CSF2RB: variants seen among roughly 807,000 people sequenced by gnomAD.
The protein encoded by CSF2RB is colony stimulating factor 2 receptor subunit beta.
A neutral mutation model predicts 67.2 loss-of-function variants in CSF2RB; 22 were observed. That is an observed-to-expected ratio of 0.33 (90% CI 0.23 to 0.47). The LOEUF (loss-of-function observed/expected upper bound fraction) is 0.47, where lower values mean the gene tolerates loss of function less well. Among genes scored for constraint, CSF2RB ranks in the 20% least tolerant of loss-of-function variants. CSF2RB has a pLI of 1.00. For missense variants in CSF2RB, 1,113 were observed against 1,174.5 expected, an observed-to-expected ratio of 0.95 and a Z score of 0.76; for synonymous variants, 507 against 482.9, an observed-to-expected ratio of 1.05 and a Z score of -0.65.
Position 36,938,555 on chromosome 22 carries a change from G to A in CSF2RB, c.*53G>A, listed in dbSNP as rs574299300. 8.5e-5 allele frequency: 131 copies of A among 1,541,396 alleles called. No individual in the cohort carries two copies. Among genetic ancestry groups the A allele is most frequent in the African/African-American group, 4.0e-4 (29 of 72,568 alleles). On this transcript the variant is annotated 3_prime_UTR_variant, in exon 14 of 14. Coordinates refer to ENST00000403662, the MANE Select transcript of CSF2RB (RefSeq NM_000395.3). ...ATGGAGAGGGCTTGCCTTCCCTCCC[G>A]CCTGACCTTCCTCAGTCATTTCTGC...
At chr22:36,922,965 G>C (rs572594929) in intron 2 of CSF2RB, among the ~76,000 whole-genome samples, 1 of 152,100 alleles carries the variant, frequency 6.6e-6, no homozygotes, top group East Asian at 1.9e-4. Flanking sequence ...GTCCTGGGGT[G>C]GGGGGAGGGG....
Position 36,919,408 on chromosome 22 carries a change from T to G in CSF2RB, c.-172-2628T>G, listed in dbSNP as rs1940798814. 2.0e-5 allele frequency among the ~76,000 whole-genome samples: 3 copies of G among 151,902 alleles called. No homozygotes were observed. The South Asian group carries it at 6.2e-4, about 31-fold the overall frequency. ...TTTGGCCCACTATTGATTGTTGTTGTTTTTTTGTTTGTTTGTTTTTTTGAG... is the reference window on the plus strand; with the variant it reads ...TTTGGCCCACTATTGATTGTTGTTGGTTTTTTGTTTGTTTGTTTTTTTGAG... On this transcript the variant is annotated intron_variant, in intron 1 of 13. Transcript: ENST00000403662.
Position 36,939,070 on chromosome 22 carries a change from G to T in CSF2RB, c.*568G>T. On this transcript the variant is annotated 3_prime_UTR_variant, in exon 14 of 14. Transcript: ENST00000403662. ...GCACAGGACTGGGCACGCTCAGTGA[G>T]GCTCAGGGAATTCAGACTAGCCTCG... The T allele has an allele frequency of 1.4e-6, 1 of 696,976 alleles. No individual in the cohort carries two copies. Among genetic ancestry groups the T allele is most frequent in the Non-Finnish European group, 2.6e-6 (1 of 381,438 alleles). 43.2% of individuals were successfully genotyped at this position (696,976 alleles called of 1,614,324 possible).
At chr22:36,914,498 G>T (rs1488157707) in intron 1 of CSF2RB, among the ~76,000 whole-genome samples, 2 of 151,956 alleles carry the variant, frequency 1.3e-5, no homozygotes, top group Non-Finnish European at 2.9e-5. Flanking sequence ...TTGGGGCCCA[G>T]GTGTGTGTGT....
chr22:36,935,322 C>A lies in CSF2RB; in HGVS notation c.1316-29C>A, dbSNP rs373177255. 7 of 1,610,384 alleles carry A rather than the reference C, an allele frequency of 4.3e-6. No homozygotes were observed. The African/African-American group carries it at 9.3e-5, about 22-fold the overall frequency. ...GGTCGATTTCCCGCCCAGATGCTGACATTCCTCTTTCTCCCCGGCTGCTGG... is the reference window on the plus strand; with the variant it reads ...GGTCGATTTCCCGCCCAGATGCTGAAATTCCTCTTTCTCCCCGGCTGCTGG... On this transcript the variant is annotated intron_variant, in intron 10 of 13. Coordinates refer to ENST00000403662, the MANE Select transcript of CSF2RB (RefSeq NM_000395.3).
intron 12 of CSF2RB, 139 bp from the exon 13 acceptor site, chr22:36,936,410 C>T (rs960889898): frequency 1.4e-5 from 10 of 721,872 alleles, no homozygotes; most frequent in Middle Eastern, 3.7e-4. Context: ...GTCAAAAGGC[C>T]GTGGCCAGTC....
chr22:36,929,001 G>A (rs1282254065), intron 4 of CSF2RB, among the ~76,000 whole-genome samples: 1 of 152,204 alleles, frequency 6.6e-6, no homozygotes, highest in Non-Finnish European at 1.5e-5. Flanking sequence ...ACAACAGGAA[G>A]GACCCTGGGC....
At position 36,929,554 on chromosome 22, in the gene CSF2RB, T is replaced by C; in HGVS notation, c.544T>C (p.Trp182Arg). 6.2e-7 allele frequency: 1 copy of C among 1,614,152 alleles called. No homozygotes were observed. Among genetic ancestry groups the C allele is most frequent in the Non-Finnish European group, 8.5e-7 (1 of 1,180,016 alleles). The change falls in exon 5 of 14, where the codon TGG becomes CGG. Residue 182 changes from tryptophan to arginine, a missense_variant. Physicochemically the swap from Trp to Arg is moderately radical, Grantham distance 101 (BLOSUM62 -3). Coordinates refer to ENST00000403662, the MANE Select transcript of CSF2RB (RefSeq NM_000395.3). ...EVVYKRLQDSWEDAAILLSNT... is the reference protein window; with the variant it reads ...EVVYKRLQDSREDAAILLSNT... ...GGTCTACAAGCGGCTTCAGGACTCT[T>C]GGGAGGTAGGAACCACGGCCAGCTC...
intron 9 of CSF2RB, among the ~76,000 whole-genome samples, chr22:36,933,587 G>A (rs1436971391): frequency 6.6e-6 from 1 of 152,244 alleles, no homozygotes; most frequent in African/African-American, 2.4e-5. Flanking sequence ...GGTGGCTTCA[G>A]GGTTCTGGGC....
At position 36,938,388 on chromosome 22, in the gene CSF2RB, C is replaced by A; in HGVS notation, c.2580C>A (p.Pro860=). The A allele has an allele frequency of 6.2e-7, 1 of 1,614,194 alleles. No individual in the cohort carries two copies. Among genetic ancestry groups the A allele is most frequent in the Non-Finnish European group, 8.5e-7 (1 of 1,180,018 alleles). The part of the protein sequence containing the change: ...NLDQAFQVKK[P]PGQAVPQVPV... ...ACCAGGCTTTTCAAGTCAAGAAGCC[C>A]CCAGGCCAGGCTGTGCCCCAGGTGC... Residue 860 remains proline, a synonymous_variant, in exon 14 of 14, where the codon CCC becomes CCA. Transcript: ENST00000403662.
Position 36,932,877 on chromosome 22 carries a change from G to C in CSF2RB, c.1125G>C (p.Gln375His). 1 of 1,614,178 alleles carries C rather than the reference G, an allele frequency of 6.2e-7. No individual in the cohort carries two copies. Among genetic ancestry groups the C allele is most frequent in the Non-Finnish European group, 8.5e-7 (1 of 1,180,050 alleles). ...YEHIDHTFEI[Q>H]YRKDTATWKD... ...ACATAGACCACACATTTGAGATCCAGTACAGGAAAGACACGGCCACGTGGA... is the reference window on the plus strand; with the variant it reads ...ACATAGACCACACATTTGAGATCCACTACAGGAAAGACACGGCCACGTGGA... The change falls in exon 9 of 14, where the codon CAG becomes CAC. Residue 375 changes from glutamine (Q) to histidine (H), a missense_variant. By Grantham distance (24) the Gln-to-His change is conservative (BLOSUM62 0). This residue lies in a region of CSF2RB where 559 missense variants were observed against 656.5 expected (regional missense o/e 0.85). Transcript: ENST00000403662.
chr22:36,921,609 G>A (rs1029928016), intron 1 of CSF2RB, among the ~76,000 whole-genome samples: 3 of 152,132 alleles, frequency 2.0e-5, no homozygotes, highest in Non-Finnish European at 1.5e-5. Context: ...CCCGGCCTCC[G>A]AGGAGAAAAG....
At chr22:36,931,767 T>G (rs1941150620) in intron 8 of CSF2RB, among the ~76,000 whole-genome samples, 1 of 152,254 alleles carries the variant, frequency 6.6e-6, no homozygotes, top group African/African-American at 2.4e-5. Context: ...AGGTGGGAGG[T>G]GCTGTCTGCA....
intron 1 of CSF2RB, among the ~76,000 whole-genome samples, chr22:36,918,709 G>A (rs531454065): frequency 6.6e-6 from 1 of 152,320 alleles, no homozygotes; most frequent in East Asian, 1.9e-4. Context: ...GCTGCACATG[G>A]AAAATCCCTA....
chr22:36,922,319 T>C, intron 2 of CSF2RB, 36 bp downstream of exon 2: 1 of 1,545,138 alleles, frequency 6.5e-7, no homozygotes. Flanking sequence ...TCCCTGTCCC[T>C]GTCCTCACTG....
chr22:36,934,126 G>A, intron 10 of CSF2RB, 132 bp downstream of exon 10: 2 of 1,257,342 alleles, frequency 1.6e-6, no homozygotes, highest in East Asian at 2.5e-5. Context: ...CCGATTAGAT[G>A]GTGGCCAAAG....
chr22:36,923,599 G>A (rs1239416596), intron 3 of CSF2RB, among the ~76,000 whole-genome samples: 1 of 152,208 alleles, frequency 6.6e-6, no homozygotes, highest in Non-Finnish European at 1.5e-5. Context: ...ACTGATGTTG[G>A]TGACAATGGT....
chr22:36,922,528 A>G (rs1174686611), intron 2 of CSF2RB: 3 of 586,444 alleles, frequency 5.1e-6, no homozygotes, highest in Non-Finnish European at 9.2e-6. Flanking sequence ...TCAGGGCGGC[A>G]CTCCCGGCCC....
Position 36,937,405 on chromosome 22 carries a change from G to A in CSF2RB, c.1597G>A (p.Glu533Lys), listed in dbSNP as rs1601594289. The change falls in exon 14 of 14, where the codon GAG becomes AAG. Residue 533 changes from glutamate (E) to lysine (K), a missense_variant. Coordinates refer to ENST00000403662, the MANE Select transcript of CSF2RB (RefSeq NM_000395.3). The surrounding 1 kb of genome is among the most constrained non-coding windows in gnomAD (Gnocchi z 4.6). Reference protein sequence around the residue: ...GVFPVGFGDSEVSPLTIEDPK... With the variant: ...GVFPVGFGDSKVSPLTIEDPK... ...GTTCCCTGTAGGATTCGGGGACAGC[G>A]AGGTGTCACCTCTCACCATAGAGGA... The A allele has an allele frequency of 1.2e-5, 19 of 1,613,856 alleles. No individual in the cohort carries two copies. The highest frequency in any genetic ancestry group is 1.4e-5 in the Non-Finnish European group (17 of 1,179,966).
Sources: gnomAD v4.1 joint callset for allele counts (sites outside exome capture counted in the v4.1 genomes callset) on GRCh38, gnomAD v4.1.1 for gene constraint, gnomAD v4.1.1 regional missense constraint, Gnocchi (gnomAD v3.1) non-coding constraint, MANE v1.5 for transcripts, NCBI Gene and HGNC (gene_info 2026-07-23, HGNC 2026-07-21) for gene names.